ZHX3: variants seen among roughly 807,000 people sequenced by gnomAD.
The protein encoded by ZHX3 is zinc fingers and homeoboxes 3, also known as zinc fingers and homeoboxes protein 3.
ZHX3 carries 20 observed loss-of-function variants against 64.5 expected under a neutral mutation model. The ratio of observed to expected loss-of-function variants is 0.31; its 90% CI spans 0.22 to 0.45. ZHX3 has a LOEUF of 0.45. Ranked by LOEUF, ZHX3 falls within the 20% of genes least tolerant of loss-of-function variation. The pLI is 1.00. For synonymous variants in ZHX3, 423 were observed against 461.6 expected (o/e 0.92, Z 1.07); for missense variants, 1,041 against 1,195.8 (o/e 0.87, Z 1.91).
chr20:41,236,308 T>C (rs2040985062), intron 2 of ZHX3, among the ~76,000 whole-genome samples: 1 of 152,142 alleles, frequency 6.6e-6, no homozygotes, highest in South Asian at 2.1e-4. Flanking sequence ...GAGCCCGCAT[T>C]GCCAAGTCAA....
At position 41,185,787 on chromosome 20, in the gene ZHX3, C is replaced by T. The variant is rs2146102068; in HGVS notation, c.2861-586G>A. 6.5e-6 allele frequency: 1 copy of T among 153,872 alleles called. No homozygotes were observed. Among genetic ancestry groups the T allele is most frequent in the South Asian group, 2.1e-4 (1 of 4,870 alleles). 9.5% of individuals were successfully genotyped at this position (153,872 alleles called of 1,614,324 possible). ...CCATGAGAAACCAGGTACAGATAAACAGATTGGCCCTTCCTGTACCCACAG... is the reference window on the plus strand; with the variant it reads ...CCATGAGAAACCAGGTACAGATAAATAGATTGGCCCTTCCTGTACCCACAG... On this transcript the variant is annotated intron_variant, in intron 3 of 3. Transcript: ENST00000683867. This position sits in a 1 kb window ranked among gnomAD's most constrained non-coding sequence, Gnocchi z 5.0.
intron 1 of ZHX3, among the ~76,000 whole-genome samples, chr20:41,284,829 C>CT (rs1426215178): frequency 2.0e-5 from 3 of 152,180 alleles, no homozygotes; most frequent in Non-Finnish European, 4.4e-5. Context: ...AACCACCCCT[C>CT]TCTCCTAAGC....
intron 1 of ZHX3, among the ~76,000 whole-genome samples, chr20:41,291,327 G>A (rs2044226729): frequency 6.6e-6 from 1 of 152,180 alleles, no homozygotes; most frequent in South Asian, 2.1e-4. Context: ...AATGCTGCCA[G>A]AGAAAGGCAA....
chr20:41,292,378 G>C (rs535568966), intron 1 of ZHX3, among the ~76,000 whole-genome samples: 1 of 152,268 alleles, frequency 6.6e-6, no homozygotes, highest in East Asian at 1.9e-4. Flanking sequence ...CAAATGCTTT[G>C]TTGTCTAAAC....
chr20:41,238,994 T>C (rs6102319), intron 2 of ZHX3, among the ~76,000 whole-genome samples: 271 of 113,314 alleles, frequency 2.4e-3, no homozygotes, highest in East Asian at 0.011. Context: ...TTCTCTCTCT[T>C]TTTTTTTTTT....
chr20:41,249,751 A>G (rs1002920688), intron 2 of ZHX3, among the ~76,000 whole-genome samples: 3 of 152,222 alleles, frequency 2.0e-5, no homozygotes, highest in Non-Finnish European at 2.9e-5. Flanking sequence ...CCTCCTTGTA[A>G]GCACAACTGT....
intron 1 of ZHX3, among the ~76,000 whole-genome samples, chr20:41,280,879 A>AC (rs1453291043): frequency 1.3e-5 from 2 of 150,696 alleles, no homozygotes; most frequent in Non-Finnish European, 3.0e-5. Context: ...AATATGTCTA[A>AC]CCCTTTTTTT....
intron 2 of ZHX3, among the ~76,000 whole-genome samples, chr20:41,259,801 ATTAT>A (rs1213647214): frequency 6.6e-6 from 1 of 152,220 alleles, no homozygotes; most frequent in East Asian, 1.9e-4. Flanking sequence ...GGTGAATTTT[ATTAT>A]TTATTTAGTC....
At chr20:41,240,158 G>A (rs1054308361) in intron 2 of ZHX3, among the ~76,000 whole-genome samples, 5 of 152,144 alleles carry the variant, frequency 3.3e-5, no homozygotes, top group Non-Finnish European at 7.4e-5. Flanking sequence ...CACCATGCCA[G>A]GCTAATTTTT....
chr20:41,193,033 A>C (rs1206396147), intron 3 of ZHX3, among the ~76,000 whole-genome samples: 3 of 151,720 alleles, frequency 2.0e-5, no homozygotes, highest in South Asian at 4.2e-4. Context: ...TTCCTTCCTT[A>C]CTTTGTTTCC....
At chr20:41,199,280 T>C (rs1435074439) in intron 3 of ZHX3, among the ~76,000 whole-genome samples, 1 of 152,164 alleles carries the variant, frequency 6.6e-6, no homozygotes, top group African/African-American at 2.4e-5. Flanking sequence ...GAATGGACCA[T>C]GGTTTTCTAT....
intron 1 of ZHX3, among the ~76,000 whole-genome samples, chr20:41,294,241 G>C (rs1389925070): frequency 6.6e-6 from 1 of 152,144 alleles, no homozygotes; most frequent in East Asian, 1.9e-4. Context: ...ATTCAATTTA[G>C]CTGACAACAA....
chr20:41,215,740 C>G (rs2039475618), intron 2 of ZHX3, among the ~76,000 whole-genome samples: 1 of 145,058 alleles, frequency 6.9e-6, no homozygotes, highest in South Asian at 2.2e-4. Context: ...CGAGACCATC[C>G]TGGCTAACAC....
chr20:41,272,332 C>A (rs2043183868), intron 1 of ZHX3: 1 of 152,140 alleles, frequency 6.6e-6, no homozygotes, highest in Admixed American at 6.5e-5. Flanking sequence ...TCTGTGAGAT[C>A]ACAGAAATTA....
At chr20:41,292,533 G>A (rs1343185239) in intron 1 of ZHX3, among the ~76,000 whole-genome samples, 1 of 152,176 alleles carries the variant, frequency 6.6e-6, no homozygotes. Flanking sequence ...TTGGAGAAAA[G>A]GGAGTTCAGG....
chr20:41,196,787 GAAA>G (rs111736361), intron 3 of ZHX3: 17 of 123,654 alleles, frequency 1.4e-4, no homozygotes, highest in East Asian at 2.1e-4. Context: ...CAGCCACCAA[GAAA>G]AAAAAAAAAA....
chr20:41,250,236 G>A (rs1407919758), intron 2 of ZHX3, among the ~76,000 whole-genome samples: 2 of 152,146 alleles, frequency 1.3e-5, no homozygotes, highest in Non-Finnish European at 2.9e-5. Context: ...AAAGAGTACT[G>A]CAAAGGCTCT....
At chr20:41,266,096 A>T (rs959523992) in intron 2 of ZHX3, among the ~76,000 whole-genome samples, 3 of 152,218 alleles carry the variant, frequency 2.0e-5, no homozygotes, top group Admixed American at 6.5e-5. Context: ...GTATGAGGTC[A>T]TATGTAAGAT....
At chr20:41,191,666 T>C (rs2037030704) in intron 3 of ZHX3, among the ~76,000 whole-genome samples, 1 of 152,230 alleles carries the variant, frequency 6.6e-6, no homozygotes, top group Non-Finnish European at 1.5e-5. Context: ...GGGAGGACTT[T>C]TTCCTAGACG....
Sources: allele counts gnomAD v4.1 joint callset (sites outside exome capture counted in the v4.1 genomes callset), GRCh38; gene constraint gnomAD v4.1.1; non-coding constraint Gnocchi (gnomAD v3.1); transcripts MANE v1.5; gene names NCBI Gene and HGNC (gene_info 2026-07-23, HGNC 2026-07-21).